The following VPS13B variants were observed in gnomAD, a reference collection of about 807,000 sequenced individuals.
The protein encoded by VPS13B is intermembrane lipid transfer protein VPS13B.
A neutral mutation model predicts 426.4 loss-of-function variants in VPS13B; 285 were observed. The ratio of observed to expected loss-of-function variants is 0.67; its 90% confidence interval spans 0.61 to 0.74. The LOEUF (loss-of-function observed/expected upper bound fraction) is 0.74, where lower values mean the gene tolerates loss of function less well. Among genes scored for constraint, VPS13B ranks in the 30% least tolerant of loss-of-function variants. VPS13B has a pLI of 0.00. For missense variants in VPS13B, 4,537 were observed against 4,782.6 expected, an observed-to-expected ratio of 0.95 and a Z score of 1.51; for synonymous variants, 1,676 against 1,676.4, an observed-to-expected ratio of 1.00 and a Z score of 0.01.
intron 17 of VPS13B, among the ~76,000 whole-genome samples, chr8:99,254,633 T>A (rs1588177573): frequency 6.6e-6 from 1 of 151,300 alleles, no homozygotes; most frequent in Admixed American, 6.6e-5. Flanking sequence ...TTATTTTATT[T>A]TATTATATTT....
chr8:99,537,127 G>A (rs1190973588), intron 30 of VPS13B, among the ~76,000 whole-genome samples: 2 of 151,562 alleles, frequency 1.3e-5, no homozygotes, highest in Non-Finnish European at 2.9e-5. Flanking sequence ...ATTGTCCATC[G>A]GTCTGAATCT....
At chr8:99,046,207 A>G (rs563998410) in intron 3 of VPS13B, among the ~76,000 whole-genome samples, 2 of 152,252 alleles carry the variant, frequency 1.3e-5, no homozygotes, top group Admixed American at 6.5e-5. Context: ...TGTGTCATCT[A>G]TGATTTCTTC....
rs191087103 is a variant in VPS13B at position 99,539,613 on chromosome 8, C to T, written c.4746-16837C>T. On this transcript the variant is annotated intron_variant, in intron 30 of 61. Coordinates refer to ENST00000357162, the MANE Select transcript of VPS13B (RefSeq NM_152564.5). ...ATTAAAACATTAGCCAGGTACACAC[C>T]TGTAGTTCCAGCTACTTGGGAGGCT... Among the ~76,000 whole-genome samples, 952 of 152,176 alleles carry T rather than the reference C, an allele frequency of 6.3e-3. 8 individuals carry two copies. Among genetic ancestry groups the T allele is most frequent in the African/African-American group, 0.022 (894 of 41,524 alleles).
At position 99,121,459 on chromosome 8, in the gene VPS13B, C is replaced by T. The variant is rs1563552856; in HGVS notation, c.1206+14C>T. The T allele has an allele frequency of 6.2e-7, 1 of 1,613,874 alleles. No homozygotes were observed. The highest frequency in any genetic ancestry group is 1.1e-5 in the South Asian group (1 of 91,046). On this transcript the variant is annotated intron_variant, in intron 8 of 61. Transcript: ENST00000357162. ...GTGACTTTCAAAGTAGGTCTTTTCT[C>T]TTGCTGTTTATATCTCTATCAACTT...
chr8:99,051,012 T>A (rs1198998531), intron 3 of VPS13B, among the ~76,000 whole-genome samples: 1 of 152,210 alleles, frequency 6.6e-6, no homozygotes, highest in African/African-American at 2.4e-5. Context: ...TTTCTTTTGC[T>A]GTGCAGAAGC....
At chr8:99,028,949 C>T (rs1223959361) in intron 2 of VPS13B, among the ~76,000 whole-genome samples, 1 of 142,342 alleles carries the variant, frequency 7.0e-6, no homozygotes. Context: ...GACGGGGTGG[C>T]TGCCGGACGG....
chr8:99,322,390 TC>T (rs1810026830), intron 19 of VPS13B, among the ~76,000 whole-genome samples: 1 of 152,184 alleles, frequency 6.6e-6, no homozygotes, highest in Non-Finnish European at 1.5e-5. Flanking sequence ...GAGTAGAGAT[TC>T]CGTTTGTTTT....
At chr8:99,298,975 C>G (rs1384868379) in intron 19 of VPS13B, among the ~76,000 whole-genome samples, 2 of 151,062 alleles carry the variant, frequency 1.3e-5, no homozygotes, top group Non-Finnish European at 2.9e-5. Flanking sequence ...GTCAGAAACA[C>G]TCTTAGAGTT....
chr8:99,195,758 C>T (rs1813883308), intron 17 of VPS13B, among the ~76,000 whole-genome samples: 1 of 152,182 alleles, frequency 6.6e-6, no homozygotes, highest in South Asian at 2.1e-4. Context: ...GATAAAGATT[C>T]AATCTCATTG....
chr8:99,775,069 G>A (rs1811672914), intron 40 of VPS13B, among the ~76,000 whole-genome samples: 1 of 152,156 alleles, frequency 6.6e-6, no homozygotes, highest in Non-Finnish European at 1.5e-5. Flanking sequence ...CCCAATGGAA[G>A]ATTCACACCT....
intron 43 of VPS13B, among the ~76,000 whole-genome samples, chr8:99,792,658 G>A (rs1812609558): frequency 6.6e-6 from 1 of 152,098 alleles, no homozygotes; most frequent in Non-Finnish European, 1.5e-5. Context: ...GCAGTAAGAA[G>A]TTAAGGCCCT....
intron 11 of VPS13B, 53 bp downstream of exon 11, chr8:99,135,786 T>C (rs975047919): frequency 5.6e-6 from 9 of 1,602,736 alleles, no homozygotes; most frequent in African/African-American, 5.4e-5. Flanking sequence ...GGTGGACACA[T>C]TGTATGAATA....
chr8:99,400,082 T>C (rs1162040547), intron 21 of VPS13B, among the ~76,000 whole-genome samples: 1 of 152,220 alleles, frequency 6.6e-6, no homozygotes, highest in African/African-American at 2.4e-5. Flanking sequence ...ATTTTTACTT[T>C]GAAGGTAGAG....
At chr8:99,284,578 T>G (rs1819335034) in intron 19 of VPS13B, among the ~76,000 whole-genome samples, 1 of 152,184 alleles carries the variant, frequency 6.6e-6, no homozygotes, top group African/African-American at 2.4e-5. Context: ...TACTTTTTTT[T>G]TTGAGATAGA....
chr8:99,671,327 G>A (rs1409015924), intron 35 of VPS13B, among the ~76,000 whole-genome samples: 8 of 151,860 alleles, frequency 5.3e-5, no homozygotes, highest in Admixed American at 1.3e-4. Flanking sequence ...TTTAAAATTT[G>A]GTTCTTTGTC....
chr8:99,720,694 A>G (rs1001576030), intron 38 of VPS13B, 142 bp downstream of exon 38: 57 of 1,125,330 alleles, frequency 5.1e-5, no homozygotes, highest in Non-Finnish European at 5.6e-5. Context: ...ATTATCATTC[A>G]ATCTCTCTTA....
At chr8:99,422,097 GTAGA>G (rs1230836518) in intron 21 of VPS13B, among the ~76,000 whole-genome samples, 1 of 152,158 alleles carries the variant, frequency 6.6e-6, no homozygotes, top group African/African-American at 2.4e-5. Flanking sequence ...GTTTTATGTA[GTAGA>G]CCTGTCTTGC....
At chr8:99,372,194 G>T (rs1813223947) in intron 19 of VPS13B, among the ~76,000 whole-genome samples, 1 of 150,340 alleles carries the variant, frequency 6.7e-6, no homozygotes, top group Non-Finnish European at 1.5e-5. Flanking sequence ...GGAGCCTGCA[G>T]TGAGCCGAGA....
At position 99,853,489 on chromosome 8, in the gene VPS13B, C is replaced by A. The variant is rs759636784; in HGVS notation, c.10100C>A (p.Thr3367Asn). ...ATTGTTACATTTAAAATGTTCATCA[C>A]TCAGTTAAGCCTGGCAGTGTTTGAT... Reference protein sequence around the residue: ...EKIVTFKMFITQLSLAVFDDL... With the variant: ...EKIVTFKMFINQLSLAVFDDL... Residue 3367 changes from threonine to asparagine, a missense_variant, in exon 56 of 62, where the codon ACT becomes AAT. Coordinates refer to ENST00000357162, the MANE Select transcript of VPS13B (RefSeq NM_152564.5). 6.2e-7 allele frequency: 1 copy of A among 1,614,072 alleles called. No homozygotes were observed. Among genetic ancestry groups the A allele is most frequent in the African/African-American group, 1.3e-5 (1 of 74,908 alleles).
Sources: gnomAD v4.1 joint callset for allele counts (sites outside exome capture counted in the v4.1 genomes callset) on GRCh38, gnomAD v4.1.1 for gene constraint, MANE v1.5 for transcripts, NCBI Gene and HGNC (gene_info 2026-07-23, HGNC 2026-07-21) for gene names.